Variants in ERMP1 observed in about 807,000 individuals in gnomAD.
ERMP1 encodes endoplasmic reticulum metallopeptidase 1.
In ERMP1, 86 loss-of-function variants were observed where a neutral mutation model predicts 92.0. The observed-to-expected ratio is 0.93, with a 90% CI of 0.79 to 1.12. ERMP1 has a LOEUF of 1.12. Among genes scored for constraint, ERMP1 ranks in the 50% most tolerant of loss-of-function variants. The probability of loss-of-function intolerance (pLI) is 0.00; values close to 1 mark genes in which losing one functional copy is unlikely to be tolerated. For synonymous variants in ERMP1, 530 were observed against 412.8 expected (o/e 1.28, Z -3.44); for missense variants, 1,342 against 1,116.3 (o/e 1.20, Z -2.88).
intron 6 of ERMP1, among the ~76,000 whole-genome samples, chr9:5,844,250 GAGA>G (rs1457813419): frequency 6.6e-6 from 1 of 152,186 alleles, no homozygotes; most frequent in Non-Finnish European, 1.5e-5. Flanking sequence ...CTGCCTAGCA[GAGA>G]AGATTTTGTG....
At chr9:5,849,049 A>G (rs1356400017) in intron 6 of ERMP1, among the ~76,000 whole-genome samples, 1 of 151,976 alleles carries the variant, frequency 6.6e-6, no homozygotes, top group Non-Finnish European at 1.5e-5. Flanking sequence ...TTTTAGATGG[A>G]GTCTTGCTCT....
At chr9:5,833,859 T>TG (rs1368457944), upstream of ERMP1, among the ~76,000 whole-genome samples, 1 of 152,174 alleles carries the variant, frequency 6.6e-6, no homozygotes, top group Non-Finnish European at 1.5e-5. Context: ...GACGACTCTC[T>TG]GGGGCGGTTA....
chr9:5,817,139 C>A (rs1039025026), intron 4 of ERMP1, among the ~76,000 whole-genome samples: 4 of 152,036 alleles, frequency 2.6e-5, no homozygotes, highest in Admixed American at 2.0e-4. Context: ...ACCTCGTGAT[C>A]CGCCTGCCTC....
At chr9:5,831,124 G>A in intron 1 of ERMP1, 96 bp from the exon 2 acceptor site, 1 of 934,288 alleles carries the variant, frequency 1.1e-6, no homozygotes, top group East Asian at 2.5e-5. Context: ...CCCCAAAAAA[G>A]CTTAGTTCTT....
At chr9:5,826,580 T>C (rs549646590) in intron 2 of ERMP1, among the ~76,000 whole-genome samples, 2 of 152,320 alleles carry the variant, frequency 1.3e-5, no homozygotes, top group African/African-American at 2.4e-5. Flanking sequence ...CCAGACCCCA[T>C]TCCTACTTAA....
Position 5,812,158 on chromosome 9 carries a change from C to A in ERMP1, c.1081G>T (p.Asp361Tyr). Residue 361 changes from aspartate (D) to tyrosine (Y), a missense_variant, in exon 6 of 15, where the codon GAC (aspartate) becomes TAC (tyrosine). Coordinates refer to ENST00000339450, the MANE Select transcript of ERMP1 (RefSeq NM_024896.3). ...YIYHTKYDTA[D>Y]RILTDSIQRA... Reference sequence around the variant, plus strand: ...TGAATGGAATCTGTTAGAATTCTGTCCGCTGTGTCATACTTGGTGTGATAA... The same window carrying A: ...TGAATGGAATCTGTTAGAATTCTGTACGCTGTGTCATACTTGGTGTGATAA... 1 of 1,611,514 alleles carries A rather than the reference C, an allele frequency of 6.2e-7. No individual in the cohort carries two copies. The highest frequency in any genetic ancestry group is 8.5e-7 in the Non-Finnish European group (1 of 1,178,602).
chr9:5,785,773 C>T lies in ERMP1; in HGVS notation c.*1371G>A, dbSNP rs1244099747. ...CTCCATCACCCAAGATAAATCTAGC[C>T]ACCCTTTTTTGTTAACTGTGCCTTT... On this transcript the variant is annotated 3_prime_UTR_variant, in exon 15 of 15. Transcript: ENST00000339450. 1 of 152,318 alleles carries T rather than the reference C, an allele frequency of 6.6e-6. No individual in the cohort carries two copies. Among genetic ancestry groups the T allele is most frequent in the Non-Finnish European group, 1.5e-5 (1 of 68,040 alleles). The allele number at this position is 152,318 out of a possible 1,614,324, so 9.4% of individuals were successfully genotyped here.
intron 6 of ERMP1, among the ~76,000 whole-genome samples, chr9:5,851,731 T>C (rs891220526): frequency 7.2e-5 from 11 of 152,196 alleles, no homozygotes; most frequent in African/African-American, 2.7e-4. Flanking sequence ...CAAAACTAGG[T>C]ACTGTGACTG....
rs558274736 is a variant in ERMP1 at position 5,802,443 on chromosome 9, G to A, written c.1915-1115C>T. Among the ~76,000 whole-genome samples the A allele has an allele frequency of 2.0e-5, 3 of 152,294 alleles. No homozygotes were observed. In the East Asian group the frequency reaches 5.8e-4, roughly 29 times the overall value. On this transcript the variant is annotated intron_variant, in intron 10 of 14. Transcript: ENST00000339450. ...TCTGTCACCCAGGCTGGAGTGCAGA[G>A]GCACGATCTCAGCTCACTGCAATCT...
intron 6 of ERMP1, among the ~76,000 whole-genome samples, chr9:5,851,749 C>T (rs935017681): frequency 3.9e-5 from 6 of 152,162 alleles, no homozygotes; most frequent in Admixed American, 6.5e-5. Context: ...CTGTGAGTCA[C>T]CTTTCCCCTT....
intron 8 of ERMP1, among the ~76,000 whole-genome samples, chr9:5,809,147 G>A (rs564058389): frequency 2.3e-4 from 35 of 151,970 alleles, no homozygotes; most frequent in East Asian, 9.7e-4. Flanking sequence ...TCAGCCTCCC[G>A]AGCAGCTGGG....
chr9:5,830,820 T>C lies in ERMP1; in HGVS notation c.547A>G (p.Ile183Val), dbSNP rs1460570334. 11 of 1,614,156 alleles carry C rather than the reference T, an allele frequency of 6.8e-6. No homozygotes were observed. In the Middle Eastern group the frequency reaches 4.9e-4, roughly 73 times the overall value. Residue 183 changes from isoleucine (I) to valine (V), a missense_variant, in exon 2 of 15, where the codon ATC becomes GTC. Coordinates refer to ENST00000339450, the MANE Select transcript of ERMP1 (RefSeq NM_024896.3). ...LGGFTSYYDN[I>V]TNVVVKLEPR... is the part of the protein sequence containing the mutation. The stretch of plus-strand genomic sequence containing the variant: ...TCCAGCTTTACCACAACATTGGTGA[T>C]GTTGTCATAATAGCTTGTAAAACCT...
intron 6 of ERMP1, among the ~76,000 whole-genome samples, chr9:5,841,713 C>T (rs1432426655): frequency 6.6e-6 from 1 of 152,182 alleles, no homozygotes; most frequent in Non-Finnish European, 1.5e-5. Context: ...ATCACTTGAA[C>T]CCGGGAGGCA....
rs147665809 is a variant in ERMP1 at position 5,866,990 on chromosome 9, G to A, written n.3055+812C>T. On this transcript the variant is annotated intron_variant and non_coding_transcript_variant, in intron 5 of 6. Coordinates refer to the ERMP1 transcript ENST00000690753. Reference sequence around the variant, plus strand: ...GGAGGCTGAGGCAGAAGGATTGCTTGAACCCAGGAGTTTGAGCAACATGGT... The same window carrying A: ...GGAGGCTGAGGCAGAAGGATTGCTTAAACCCAGGAGTTTGAGCAACATGGT... 1.1e-4 allele frequency among the ~76,000 whole-genome samples: 16 copies of A among 152,300 alleles called. No individual in the cohort carries two copies. In the East Asian group the frequency reaches 2.3e-3, roughly 22 times the overall value.
intron 6 of ERMP1, among the ~76,000 whole-genome samples, chr9:5,852,645 A>C (rs892349658): frequency 8.6e-5 from 13 of 150,908 alleles, no homozygotes; most frequent in African/African-American, 3.2e-4. Flanking sequence ...AGAATGTTTT[A>C]TGAGAATGTT....
At chr9:5,859,286 G>T (rs946183641) in intron 6 of ERMP1, among the ~76,000 whole-genome samples, 3 of 152,174 alleles carry the variant, frequency 2.0e-5, no homozygotes, top group Non-Finnish European at 4.4e-5. Flanking sequence ...GGGAGCTCTT[G>T]CTACTCTCTT....
chr9:5,807,757 CA>C (rs371802181), intron 8 of ERMP1, among the ~76,000 whole-genome samples: 3 of 148,542 alleles, frequency 2.0e-5, no homozygotes, highest in East Asian at 1.9e-4. Flanking sequence ...ACAACAACAA[CA>C]AAAAAAAAAC....
At chr9:5,859,254 T>A (rs914767023) in intron 6 of ERMP1, among the ~76,000 whole-genome samples, 7 of 90,936 alleles carry the variant, frequency 7.7e-5, no homozygotes, top group African/African-American at 2.1e-4. Flanking sequence ...AATACTCTCC[T>A]TGGCAAAGAC....
intron 13 of ERMP1, among the ~76,000 whole-genome samples, chr9:5,792,428 TAA>T (rs1017794856): frequency 1.3e-5 from 2 of 152,166 alleles, no homozygotes; most frequent in African/African-American, 2.4e-5. Context: ...CCAAAAAAGA[TAA>T]AGTCATAATG....
Sources: allele counts gnomAD v4.1 joint callset (sites outside exome capture counted in the v4.1 genomes callset), GRCh38; gene constraint gnomAD v4.1.1; transcripts MANE v1.5; gene names NCBI Gene and HGNC (gene_info 2026-07-23, HGNC 2026-07-21).